The following SLC9A9 variants were observed in gnomAD, a reference collection of about 807,000 sequenced individuals.
The protein encoded by SLC9A9 is sodium/hydrogen exchanger 9.
SLC9A9 carries 62 observed loss-of-function variants against 77.8 expected under a neutral mutation model. The ratio of observed to expected loss-of-function variants is 0.80; its 90% CI spans 0.65 to 0.98. The LOEUF (loss-of-function observed/expected upper bound fraction) is 0.98, where lower values mean the gene tolerates loss of function less well. SLC9A9 is among the 50% of genes least tolerant of loss of function. SLC9A9 has a pLI of 0.00. For missense variants in SLC9A9, 775 were observed against 774.9 expected, an observed-to-expected ratio of 1.00 and a Z score of 0.00; for synonymous variants, 320 against 283.5, an observed-to-expected ratio of 1.13 and a Z score of -1.29.
chr3:143,728,510 G>A (rs1934719539), intron 4 of SLC9A9, among the ~76,000 whole-genome samples: 1 of 152,130 alleles, frequency 6.6e-6, no homozygotes, highest in Non-Finnish European at 1.5e-5. Flanking sequence ...CGGAGAGGAA[G>A]GCAGTGCCTT....
chr3:143,720,086 T>C (rs570653412), intron 4 of SLC9A9, among the ~76,000 whole-genome samples: 2 of 151,738 alleles, frequency 1.3e-5, no homozygotes, highest in Admixed American at 1.3e-4. Context: ...TAAGCCCCAT[T>C]TATTTTTGTA....
rs2036706265 is a variant in SLC9A9 at position 143,542,510 on chromosome 3, T to C, written c.1089+9852A>G. The stretch of plus-strand genomic sequence containing the variant: ...AAGTGACTGCTTTTGTTAAAAGAAA[T>C]AGAAAAAAATGCACAAAACCAAATC... On this transcript the variant is annotated intron_variant, in intron 9 of 15. Transcript: ENST00000316549. Among the ~76,000 whole-genome samples the C allele has an allele frequency of 2.6e-5, 4 of 152,034 alleles. No homozygotes were observed. In the South Asian group the frequency reaches 6.2e-4, roughly 24 times the overall value.
chr3:143,705,862 T>G (rs144042230), intron 4 of SLC9A9, among the ~76,000 whole-genome samples: 647 of 152,270 alleles, frequency 4.2e-3, no homozygotes, highest in Middle Eastern at 6.8e-3. Context: ...CCATGAAGAA[T>G]GCAAAGGTGA....
intron 12 of SLC9A9, among the ~76,000 whole-genome samples, chr3:143,383,530 T>C (rs2033351115): frequency 6.6e-6 from 1 of 152,268 alleles, no homozygotes; most frequent in Admixed American, 6.5e-5. Context: ...TGAAACTATG[T>C]ATTTTTTTGC....
intron 2 of SLC9A9, chr3:143,811,849 G>A: frequency 6.3e-6 from 2 of 317,232 alleles, no homozygotes; most frequent in Admixed American, 4.7e-5. Context: ...GTGACAGAGA[G>A]AGATCTTGTC....
intron 6 of SLC9A9, among the ~76,000 whole-genome samples, chr3:143,628,892 A>G (rs2038374082): frequency 6.6e-6 from 1 of 152,190 alleles, no homozygotes; most frequent in South Asian, 2.1e-4. Flanking sequence ...CCAGATTAAT[A>G]TATTCAAAAC....
chr3:143,512,658 A>G (rs1287903195), intron 9 of SLC9A9, among the ~76,000 whole-genome samples: 2 of 152,222 alleles, frequency 1.3e-5, no homozygotes, highest in African/African-American at 4.8e-5. Context: ...CGGGTGGATC[A>G]CGAGGTCAGG....
chr3:143,274,184 G>C (rs1486571130), intron 14 of SLC9A9, among the ~76,000 whole-genome samples: 2 of 152,198 alleles, frequency 1.3e-5, no homozygotes, highest in Non-Finnish European at 2.9e-5. Flanking sequence ...CTTGATAAAT[G>C]GTCTTGTTAT....
chr3:143,631,646 C>CCA (rs2038423955), intron 6 of SLC9A9, among the ~76,000 whole-genome samples: 2 of 152,038 alleles, frequency 1.3e-5, no homozygotes, highest in African/African-American at 4.8e-5. Flanking sequence ...CAAATGGTCC[C>CCA]TAGGCTCAGT....
intron 6 of SLC9A9, among the ~76,000 whole-genome samples, chr3:143,613,963 T>A (rs1006946725): frequency 5.3e-5 from 8 of 152,200 alleles, no homozygotes; most frequent in African/African-American, 1.7e-4. Context: ...TTGGGAAAAT[T>A]AGCACTTTTA....
chr3:143,368,880 T>C (rs971093601), intron 13 of SLC9A9, among the ~76,000 whole-genome samples: 14 of 152,226 alleles, frequency 9.2e-5, no homozygotes, highest in African/African-American at 3.1e-4. Context: ...CAAATAGAAA[T>C]ATTTTTTTCA....
chr3:143,366,827 C>T (rs1289936445), intron 13 of SLC9A9, among the ~76,000 whole-genome samples: 1 of 152,000 alleles, frequency 6.6e-6, no homozygotes, highest in Non-Finnish European at 1.5e-5. Flanking sequence ...CTAGATGGGG[C>T]CCCAGGATAC....
Position 143,609,466 on chromosome 3 carries a change from G to T in SLC9A9, c.756-30743C>A, listed in dbSNP as rs139609194. On this transcript the variant is annotated intron_variant, in intron 6 of 15. Transcript: ENST00000316549. ...AGTATTTGGGCAGCAAGCTAGGAAT[G>T]TTGTAGCTATTGATTTTAAATAAAA... is the stretch of plus-strand genomic sequence containing the variant. 1.1e-3 allele frequency among the ~76,000 whole-genome samples: 167 copies of T among 152,270 alleles called. 1 individual carries two copies. The highest frequency in any genetic ancestry group is 3.9e-3 in the African/African-American group (163 of 41,534).
At chr3:143,740,907 T>C (rs1935058022) in intron 4 of SLC9A9, among the ~76,000 whole-genome samples, 1 of 152,208 alleles carries the variant, frequency 6.6e-6, no homozygotes, top group South Asian at 2.1e-4. Flanking sequence ...ATTAAGTAAA[T>C]GGCTTCTCAC....
Position 143,434,872 on chromosome 3 carries a change from C to T in SLC9A9, c.1469+32165G>A, listed in dbSNP as rs187901129. ...CCTCACCTCCTTTTCTTCATGTCTC[C>T]CTTACTTCATCCTAATCAAGCTCAT... is the stretch of plus-strand genomic sequence containing the variant. On this transcript the variant is annotated intron_variant, in intron 12 of 15. Transcript: ENST00000316549. Among the ~76,000 whole-genome samples the T allele has an allele frequency of 1.1e-3, 166 of 152,234 alleles. 2 individuals are homozygous for T. Among genetic ancestry groups the T allele is most frequent in the African/African-American group, 3.9e-3 (164 of 41,528 alleles).
intron 15 of SLC9A9, among the ~76,000 whole-genome samples, chr3:143,267,382 T>G (rs1210454195): frequency 7.4e-6 from 1 of 134,586 alleles, no homozygotes; most frequent in Non-Finnish European, 1.5e-5. Context: ...AGAGTCTCAC[T>G]CTGTCATCCA....
chr3:143,636,187 T>C (rs2038517313), intron 6 of SLC9A9, among the ~76,000 whole-genome samples: 1 of 152,214 alleles, frequency 6.6e-6, no homozygotes, highest in Admixed American at 6.5e-5. Context: ...TTACTAAAGT[T>C]AAAATTTTTC....
Position 143,265,955 on chromosome 3 carries a change from C to T in SLC9A9, c.*747G>A. 1.1e-5 allele frequency: 7 copies of T among 663,690 alleles called. No homozygotes were observed. In the South Asian group the frequency reaches 1.2e-4, roughly 11 times the overall value. The allele number at this position is 663,690 out of a possible 1,614,324, so 41.1% of individuals were successfully genotyped here. On this transcript the variant is annotated 3_prime_UTR_variant, in exon 16 of 16. Coordinates refer to ENST00000316549, the MANE Select transcript of SLC9A9 (RefSeq NM_173653.4). The stretch of plus-strand genomic sequence containing the variant: ...GCAGGCAAGGACGGGAAGGCTTGTT[C>T]TTCAGGCACAACGTGGTATGGGGAG...
intron 8 of SLC9A9, among the ~76,000 whole-genome samples, chr3:143,558,101 T>G (rs1280072491): frequency 3.3e-5 from 5 of 152,140 alleles, no homozygotes; most frequent in African/African-American, 1.2e-4. Flanking sequence ...GTGTCCCAAC[T>G]GCTTTAGCTC....
Sources: allele counts gnomAD v4.1 joint callset (sites outside exome capture counted in the v4.1 genomes callset), GRCh38; gene constraint gnomAD v4.1.1; transcripts MANE v1.5; gene names NCBI Gene and HGNC (gene_info 2026-07-23, HGNC 2026-07-21).